FOXN1: variants seen among roughly 807,000 people sequenced by gnomAD.
FOXN1 encodes forkhead box N1, also known as forkhead box protein N1.
FOXN1 carries 15 observed loss-of-function variants against 49.0 expected under a neutral mutation model. The ratio of observed to expected loss-of-function variants is 0.31; its 90% CI spans 0.20 to 0.47. The LOEUF (loss-of-function observed/expected upper bound fraction) is 0.47, where lower values mean the gene tolerates loss of function less well. Among genes scored for constraint, FOXN1 ranks in the 20% least tolerant of loss-of-function variants. The probability of loss-of-function intolerance (pLI) is 1.00; values close to 1 mark genes in which losing one functional copy is unlikely to be tolerated. For missense variants in FOXN1, 800 were observed against 842.8 expected (o/e 0.95, Z 0.63); for synonymous variants, 356 against 369.0 (o/e 0.96, Z 0.40).
chr17:28,537,238 T>C lies in FOXN1; in HGVS notation c.1749T>C (p.Pro583=). The part of the protein sequence containing the change: ...PPQPPPHCFP[P]GPCLTETGSG... ...AGCCACCACCTCACTGCTTCCCCCC[T>C]GGGCCCTGTCTGACAGAGACAGGCA... is the stretch of plus-strand genomic sequence containing the variant. Residue 583 remains proline, a synonymous_variant, in exon 9 of 9, where the codon CCT becomes CCC. Transcript: ENST00000579795. 1 of 1,613,820 alleles carries C rather than the reference T, an allele frequency of 6.2e-7. No homozygotes were observed. The highest frequency in any genetic ancestry group is 2.2e-5 in the East Asian group (1 of 44,880).
chr17:28,515,966 C>A (rs2069485497), intron 1 of FOXN1, among the ~76,000 whole-genome samples: 1 of 151,774 alleles, frequency 6.6e-6, no homozygotes, highest in Non-Finnish European at 1.5e-5. Context: ...CACCCCTCCA[C>A]AAGTATACAC....
At chr17:28,514,454 G>A (rs1378704378) in intron 1 of FOXN1, among the ~76,000 whole-genome samples, 1 of 152,088 alleles carries the variant, frequency 6.6e-6, no homozygotes, top group East Asian at 1.9e-4. Context: ...CATTGATGGG[G>A]AGAAAGGAGC....
intron 1 of FOXN1, among the ~76,000 whole-genome samples, chr17:28,512,470 G>C (rs566824757): frequency 6.8e-4 from 103 of 152,174 alleles, no homozygotes; most frequent in Non-Finnish European, 1.2e-3. Flanking sequence ...ATCAGACTCA[G>C]CCATGGCTTC....
At chr17:28,537,016 C>A (rs2070083076) in intron 8 of FOXN1, 101 bp from the exon 9 acceptor site, 3 of 924,676 alleles carry the variant, frequency 3.2e-6, no homozygotes, top group Non-Finnish European at 5.4e-6. Flanking sequence ...GTCACCCTGA[C>A]CCCTGCTCTC....
chr17:28,537,081 C>A (rs1597570980), intron 8 of FOXN1, 36 bp from the exon 9 acceptor site: 1 of 1,559,490 alleles, frequency 6.4e-7, no homozygotes, highest in East Asian at 2.2e-5. Flanking sequence ...CCTCCGGTGC[C>A]TCCCAGTGAC....
chr17:28,521,059 C>A (rs555679135), intron 1 of FOXN1, among the ~76,000 whole-genome samples: 1 of 152,362 alleles, frequency 6.6e-6, no homozygotes, highest in East Asian at 1.9e-4. Flanking sequence ...CACATGTCCT[C>A]GAGCATTTTC....
chr17:28,510,295 C>T (rs1302975344), intron 1 of FOXN1, among the ~76,000 whole-genome samples: 4 of 152,086 alleles, frequency 2.6e-5, no homozygotes, highest in Non-Finnish European at 4.4e-5. Context: ...GACACACACA[C>T]ACAGAGACAC....
rs1454084583 is a variant in FOXN1, at chr17:28,537,663, C to T, written c.*227C>T. 27 of 613,532 alleles carry T rather than the reference C, an allele frequency of 4.4e-5. 1 individual carries two copies. The East Asian group carries it at 6.4e-4, about 14-fold the overall frequency. The allele number at this position is 613,532 out of a possible 1,614,324, so 38.0% of individuals were successfully genotyped here. A position where few individuals can be genotyped will look rare whatever the true frequency, so the allele number is the denominator to read the frequency against. On this transcript the variant is annotated 3_prime_UTR_variant, in exon 9 of 9. Coordinates refer to ENST00000579795, the MANE Select transcript of FOXN1 (RefSeq NM_001369369.1). Reference sequence around the variant, plus strand: ...GGTGGCCCAGCTCCTCACCCAGGGCCCCCAAAGAGCAAGCGTCTGGGCAAG... The same window carrying T: ...GGTGGCCCAGCTCCTCACCCAGGGCTCCCAAAGAGCAAGCGTCTGGGCAAG...
Position 28,534,219 on chromosome 17 carries a change from G to T in FOXN1, c.928-112G>T. 1.3e-6 allele frequency: 2 copies of T among 1,521,598 alleles called. No individual in the cohort carries two copies. The highest frequency in any genetic ancestry group is 1.8e-6 in the Non-Finnish European group (2 of 1,109,494). 94.3% of individuals were successfully genotyped at this position (1,521,598 alleles called of 1,614,324 possible). A position where few individuals can be genotyped will look rare whatever the true frequency, so the allele number is the denominator to read the frequency against. On this transcript the variant is annotated intron_variant, in intron 6 of 8. Coordinates refer to ENST00000579795, the MANE Select transcript of FOXN1 (RefSeq NM_001369369.1). This position sits in a 1 kb window ranked among gnomAD's most constrained non-coding sequence, Gnocchi z 4.1. ...GAGGAGGACAACAAGCCCCAGAGTG[G>T]GCGGCAGCTCTGTGCCCAGAGGAGA...
intron 2 of FOXN1, 114 bp from the exon 3 acceptor site, chr17:28,524,389 C>A (rs2069714402): frequency 1.0e-6 from 1 of 957,012 alleles, no homozygotes; most frequent in East Asian, 2.4e-5. Context: ...CATTTAGGGT[C>A]TTCCCAGAGC....
chr17:28,515,759 G>A (rs1339821618), intron 1 of FOXN1, among the ~76,000 whole-genome samples: 1 of 151,370 alleles, frequency 6.6e-6, no homozygotes, highest in Admixed American at 6.6e-5. Context: ...TTTCACAGGA[G>A]TACACCCCTC....
At chr17:28,529,499 C>T (rs2069855190) in intron 5 of FOXN1, among the ~76,000 whole-genome samples, 1 of 152,150 alleles carries the variant, frequency 6.6e-6, no homozygotes, top group South Asian at 2.1e-4. Flanking sequence ...GGTCTCACCT[C>T]CTAGGGCCCA....
Position 28,523,990 on chromosome 17 carries a change from G to A in FOXN1, c.21G>A (p.Pro7=), listed in dbSNP as rs374979167. Residue 7 remains proline, a synonymous_variant, in exon 2 of 9, where the codon CCG becomes CCA. Coordinates refer to ENST00000579795, the MANE Select transcript of FOXN1 (RefSeq NM_001369369.1). MVSLPP[P]QSDVTLPGPT... The stretch of plus-strand genomic sequence containing the variant: ...GGGTGATGGTGTCGCTACCCCCGCC[G>A]CAGTCTGACGTCACGCTGCCGGGCC... 5.0e-6 allele frequency: 8 copies of A among 1,613,024 alleles called. No homozygotes were observed. The highest frequency in any genetic ancestry group is 3.3e-5 in the Admixed American group (2 of 60,000).
At chr17:28,508,215 C>G (rs2069307536) in intron 1 of FOXN1, among the ~76,000 whole-genome samples, 1 of 152,222 alleles carries the variant, frequency 6.6e-6, no homozygotes, top group Non-Finnish European at 1.5e-5. Context: ...ACCAGTGGGT[C>G]CTGGGAAACT....
At chr17:28,522,962 A>G (rs1407151251) in intron 1 of FOXN1, among the ~76,000 whole-genome samples, 1 of 152,112 alleles carries the variant, frequency 6.6e-6, no homozygotes, top group Admixed American at 6.5e-5. Flanking sequence ...TTTGTTTGAC[A>G]CTCACAACAT....
intron 6 of FOXN1, among the ~76,000 whole-genome samples, chr17:28,531,781 CA>C (rs750643807): frequency 2.0e-5 from 3 of 152,128 alleles, no homozygotes; most frequent in Non-Finnish European, 4.4e-5. Flanking sequence ...CTCCACCTGC[CA>C]GGGGGTGATT....
intron 3 of FOXN1, among the ~76,000 whole-genome samples, chr17:28,525,502 G>C (rs1450293494): frequency 6.6e-6 from 1 of 152,182 alleles, no homozygotes; most frequent in Non-Finnish European, 1.5e-5. Context: ...TCCATAGCCT[G>C]ACCTCCATAA....
chr17:28,532,831 G>A (rs2069945301), intron 6 of FOXN1, among the ~76,000 whole-genome samples: 1 of 152,184 alleles, frequency 6.6e-6, no homozygotes, highest in Non-Finnish European at 1.5e-5. Flanking sequence ...GGCTGGGGTG[G>A]GGGCTGCCCT....
intron 1 of FOXN1, among the ~76,000 whole-genome samples, chr17:28,522,408 A>T (rs1322009902): frequency 6.6e-6 from 1 of 152,246 alleles, no homozygotes; most frequent in Non-Finnish European, 1.5e-5. Context: ...GCACTTTGGG[A>T]GGCCAAAGCA....
Sources: gnomAD v4.1 joint callset for allele counts (sites outside exome capture counted in the v4.1 genomes callset) on GRCh38, gnomAD v4.1.1 for gene constraint, Gnocchi (gnomAD v3.1) non-coding constraint, MANE v1.5 for transcripts, NCBI Gene and HGNC (gene_info 2026-07-23, HGNC 2026-07-21) for gene names.